The following ATG16L2 variants were observed in gnomAD, a reference collection of about 807,000 sequenced individuals.
The protein encoded by ATG16L2 is protein Atg16l2.
In ATG16L2, 77 loss-of-function variants were observed where a neutral mutation model predicts 84.7. The ratio of observed to expected loss-of-function variants is 0.91; its 90% CI spans 0.76 to 1.10. ATG16L2 has a LOEUF of 1.10. Ranked by LOEUF, ATG16L2 falls within the 50% of genes least tolerant of loss-of-function variation. The probability of loss-of-function intolerance (pLI) is 0.00; values close to 1 mark genes in which losing one functional copy is unlikely to be tolerated. For missense variants in ATG16L2, 782 were observed against 817.6 expected, an observed-to-expected ratio of 0.96 and a Z score of 0.53; for synonymous variants, 361 against 342.8, an observed-to-expected ratio of 1.05 and a Z score of -0.59.
Position 72,822,153 on chromosome 11 carries a change from G to T in ATG16L2, c.502G>T (p.Glu168Ter). ...AQNAVQRAAY[E>*]ALRAHVGLRE... ...GAATGCGGTGCAGCGGGCAGCCTACGAGGCGCTGCGCGCGCACGTCGGGCT... is the reference window on the plus strand; with the variant it reads ...GAATGCGGTGCAGCGGGCAGCCTACTAGGCGCTGCGCGCGCACGTCGGGCT... Residue 168 changes from glutamate to a stop codon, truncating the protein, a stop_gained, in exon 5 of 18, where the codon GAG (glutamate) becomes TAG (stop). Coordinates refer to ENST00000321297, the MANE Select transcript of ATG16L2 (RefSeq NM_033388.2). LOFTEE classifies it high-confidence loss of function. The surrounding 1 kb of genome is among the most constrained non-coding windows in gnomAD (Gnocchi z 4.2). 1 of 1,491,842 alleles carries T rather than the reference G, an allele frequency of 6.7e-7. No individual in the cohort carries two copies. Among genetic ancestry groups the T allele is most frequent in the East Asian group, 2.6e-5 (1 of 38,638 alleles). 92.4% of individuals were successfully genotyped at this position (1,491,842 alleles called of 1,614,324 possible).
intron 5 of ATG16L2, among the ~76,000 whole-genome samples, chr11:72,835,951 T>C (rs1860717303): frequency 6.6e-6 from 1 of 152,174 alleles, no homozygotes; most frequent in Admixed American, 6.5e-5. Context: ...TTTCTCCATG[T>C]TGGTCAGGCT....
intron 5 of ATG16L2, chr11:72,837,688 C>T (rs1461448983): frequency 6.6e-6 from 1 of 152,228 alleles, no homozygotes; most frequent in Admixed American, 6.5e-5. Context: ...GCAGGGTGCG[C>T]AATCCTTCAG....
At position 72,817,750 on chromosome 11, in the gene ATG16L2, T is replaced by A; in HGVS notation, c.219-6T>A. ...GACATTGAGCACCACTCTGATTGGT[T>A]GGCAGGGAGGAGTCAGAGCTTGACT... On this transcript the variant is annotated splice_polypyrimidine_tract_variant and splice_region_variant and intron_variant, in intron 2 of 17. Coordinates refer to ENST00000321297, the MANE Select transcript of ATG16L2 (RefSeq NM_033388.2). 1.2e-6 allele frequency: 2 copies of A among 1,613,578 alleles called. No homozygotes were observed. Among genetic ancestry groups the A allele is most frequent in the Non-Finnish European group, 1.7e-6 (2 of 1,179,926 alleles).
At position 72,817,816 on chromosome 11, in the gene ATG16L2, G is replaced by A; in HGVS notation, c.279G>A (p.Trp93Ter). Residue 93 changes from tryptophan (W) to a stop codon, truncating the protein, a stop_gained, in exon 3 of 18, where the codon TGG (tryptophan) becomes TGA (stop). Transcript: ENST00000321297. LOFTEE classifies it high-confidence loss of function. ...VPSLVALRVKWQEEEEGLRLV... is the reference protein window; with the variant it reads ...VPSLVALRVK ...CACTGGTCGCACTGAGGGTGAAGTG[G>A]CAGGAGGAGGAGGAGGGGCTCCGGC... 1 of 1,613,208 alleles carries A rather than the reference G, an allele frequency of 6.2e-7. No homozygotes were observed. The highest frequency in any genetic ancestry group is 1.1e-5 in the South Asian group (1 of 91,078).
chr11:72,824,554 G>A (rs1051106160), intron 8 of ATG16L2, 180 bp from the exon 9 acceptor site: 34 of 619,870 alleles, frequency 5.5e-5, no homozygotes, highest in Admixed American at 1.0e-4. Context: ...TCCCCACCCC[G>A]TCTCCACACC....
chr11:72,825,320 G>A lies in ATG16L2; in HGVS notation c.1015G>A (p.Val339Ile). 3 of 1,613,610 alleles carry A rather than the reference G, an allele frequency of 1.9e-6. No homozygotes were observed. The highest frequency in any genetic ancestry group is 2.5e-6 in the Non-Finnish European group (3 of 1,179,984). Reference protein sequence around the residue: ...QDVLDAHLSEVNAVRFGPNSS... With the variant: ...QDVLDAHLSEINAVRFGPNSS... Reference sequence around the variant, plus strand: ...CCCACAGGATGCCCACCTCTCTGAGGTCAATGCTGTTCGTTTTGGCCCCAA... The same window carrying A: ...CCCACAGGATGCCCACCTCTCTGAGATCAATGCTGTTCGTTTTGGCCCCAA... Residue 339 changes from valine to isoleucine, a missense_variant, in exon 10 of 18, where the codon GTC becomes ATC. Transcript: ENST00000321297.
intron 15 of ATG16L2, 74 bp from the exon 16 acceptor site, chr11:72,828,655 G>GCT: frequency 6.2e-7 from 1 of 1,600,902 alleles, no homozygotes; most frequent in Non-Finnish European, 8.5e-7. Flanking sequence ...CAAAGAGGAA[G>GCT]CTCTGGAAGC....
intron 3 of ATG16L2, 172 bp downstream of exon 3, chr11:72,818,027 C>T (rs1451225399): frequency 1.6e-6 from 1 of 626,260 alleles, no homozygotes. Flanking sequence ...TCAGAGTGCC[C>T]TGGGCAGCCC....
At chr11:72,841,105 C>G (rs1235608785) in intron 5 of ATG16L2, 5 of 666,384 alleles carry the variant, frequency 7.5e-6, no homozygotes, top group Non-Finnish European at 1.3e-5. Flanking sequence ...AAGTTCAAGG[C>G]TGCAGTGAGC....
chr11:72,818,258 C>A (rs1332291703), intron 3 of ATG16L2: 1 of 171,064 alleles, frequency 5.8e-6, no homozygotes, highest in Non-Finnish European at 1.3e-5. Context: ...GGACGCTCCA[C>A]CTGACACTAC....
intron 1 of ATG16L2, among the ~76,000 whole-genome samples, chr11:72,815,039 C>T (rs1340022510): frequency 6.6e-6 from 1 of 152,222 alleles, no homozygotes; most frequent in Non-Finnish European, 1.5e-5. Flanking sequence ...CAGGCTCTGC[C>T]GCTGACAGGC....
intron 5 of ATG16L2, among the ~76,000 whole-genome samples, chr11:72,835,469 C>A (rs1860707180): frequency 6.6e-6 from 1 of 151,918 alleles, no homozygotes; most frequent in Non-Finnish European, 1.5e-5. Flanking sequence ...TCGTGGTGAC[C>A]AGCCTGTGGC....
intron 13 of ATG16L2, 70 bp downstream of exon 13, chr11:72,826,893 C>T: frequency 6.5e-7 from 1 of 1,548,256 alleles, no homozygotes; most frequent in Middle Eastern, 2.1e-4. Context: ...CACAAGGGAC[C>T]TCACCTGCTC....
chr11:72,838,536 C>T (rs896288852), intron 5 of ATG16L2: 52 of 530,702 alleles, frequency 9.8e-5, no homozygotes, highest in African/African-American at 9.6e-4. Flanking sequence ...GAGGGCTGCC[C>T]CCCTCTTTGC....
In ATG16L2 at chr11:72,821,715, G is replaced by A; in HGVS notation, c.366G>A (p.Glu122=). The change falls in exon 4 of 18, where the codon GAG becomes GAA. Residue 122 remains glutamate (E), a synonymous_variant. Coordinates refer to ENST00000321297, the MANE Select transcript of ATG16L2 (RefSeq NM_033388.2). ...VEKGAALGTL[E]SELQQRQSRL... is the part of the protein sequence containing the mutation. Reference sequence around the variant, plus strand: ...AGGGCGCGGCCCTGGGCACGCTGGAGTCGGAGCTGCAGCAGAGGCAAAGCA... The same window carrying A: ...AGGGCGCGGCCCTGGGCACGCTGGAATCGGAGCTGCAGCAGAGGCAAAGCA... The A allele has an allele frequency of 6.5e-7, 1 of 1,537,758 alleles. No homozygotes were observed. The highest frequency in any genetic ancestry group is 8.7e-7 in the Non-Finnish European group (1 of 1,146,208).
chr11:72,826,316 G>A, intron 11 of ATG16L2, 73 bp downstream of exon 11: 1 of 1,530,176 alleles, frequency 6.5e-7, no homozygotes, highest in Non-Finnish European at 9.0e-7. Flanking sequence ...GGGGGCTGTG[G>A]GACCTGAGGG....
At chr11:72,816,700 C>A (rs746535246) in intron 1 of ATG16L2, 28 bp from the exon 2 acceptor site, 2 of 1,586,078 alleles carry the variant, frequency 1.3e-6, no homozygotes, top group South Asian at 1.1e-5. Context: ...CTGTCTCTGC[C>A]CCAGGCTCAC....
chr11:72,817,614 C>T lies in ATG16L2; in HGVS notation c.219-142C>T. The T allele has an allele frequency of 1.4e-5, 11 of 766,398 alleles. 1 individual carries two copies. In the South Asian group the frequency reaches 1.7e-4, roughly 12 times the overall value. 47.5% of individuals were successfully genotyped at this position (766,398 alleles called of 1,614,324 possible). A position where few individuals can be genotyped will look rare whatever the true frequency, so the allele number is the denominator to read the frequency against. ...GCTCATTTCTAGAGACTTGCCTTTTCCTTTACTGGCTTGCTGGCTTCCATC... is the reference window on the plus strand; with the variant it reads ...GCTCATTTCTAGAGACTTGCCTTTTTCTTTACTGGCTTGCTGGCTTCCATC... On this transcript the variant is annotated intron_variant, in intron 2 of 17. Coordinates refer to ENST00000321297, the MANE Select transcript of ATG16L2 (RefSeq NM_033388.2).
intron 3 of ATG16L2, chr11:72,818,873 C>G (rs1399486475): frequency 6.6e-6 from 1 of 152,212 alleles, no homozygotes; most frequent in Non-Finnish European, 1.5e-5. Context: ...CACAGAATGG[C>G]AAGTCACCTG....
Sources: allele counts gnomAD v4.1 joint callset (sites outside exome capture counted in the v4.1 genomes callset), GRCh38; gene constraint gnomAD v4.1.1; non-coding constraint Gnocchi (gnomAD v3.1); transcripts MANE v1.5; gene names NCBI Gene and HGNC (gene_info 2026-07-23, HGNC 2026-07-21).